CASP9: variants seen among roughly 807,000 people sequenced by gnomAD.
CASP9 encodes the protein caspase-9.
A neutral mutation model predicts 43.5 loss-of-function variants in CASP9; 29 were observed. The observed-to-expected ratio is 0.67, with a 90% CI of 0.50 to 0.91. The LOEUF (loss-of-function observed/expected upper bound fraction) is 0.91, where lower values mean the gene tolerates loss of function less well. CASP9 is among the 40% of genes least tolerant of loss of function. CASP9 has a pLI of 0.00. For synonymous variants in CASP9, 206 were observed against 211.9 expected (o/e 0.97, Z 0.24); for missense variants, 575 against 537.4 (o/e 1.07, Z -0.69).
At position 15,507,011 on chromosome 1, in the gene CASP9, C is replaced by T. The variant is rs2308950; in HGVS notation, c.518G>A (p.Arg173His). 0.012 allele frequency: 19,674 copies of T among 1,614,178 alleles called. 174 individuals carry two copies. Among genetic ancestry groups the T allele is most frequent in the Non-Finnish European group, 0.014 (15,934 of 1,180,018 alleles). Residue 173 changes from arginine to histidine, a missense_variant, in exon 4 of 9, where the codon CGT (arginine) becomes CAT (histidine). Physicochemically the swap from Arg to His is conservative, Grantham distance 29 (BLOSUM62 0). Transcript: ENST00000333868. ...CLIINNVNFC[R>H]ESGLRTRTGS... Reference sequence around the variant, plus strand: ...AGTGCGGGTGCGGAGCCCGGACTCACGGCAGAAGTTCACATTGTTGATAAT... The same window carrying T: ...AGTGCGGGTGCGGAGCCCGGACTCATGGCAGAAGTTCACATTGTTGATAAT...
At chr1:15,505,190 T>C (rs1709472292) in intron 5 of CASP9, among the ~76,000 whole-genome samples, 1 of 152,046 alleles carries the variant, frequency 6.6e-6, no homozygotes, top group Non-Finnish European at 1.5e-5. Flanking sequence ...TCAGTTCAGC[T>C]CAGACCTCAA....
chr1:15,508,756 A>G (rs1709621827), intron 2 of CASP9, among the ~76,000 whole-genome samples: 1 of 152,204 alleles, frequency 6.6e-6, no homozygotes, highest in Admixed American at 6.5e-5. Context: ...CTGAAAAATC[A>G]AGCTGCAGAC....
At chr1:15,493,580 G>A in intron 8 of CASP9, 1 of 1,423,078 alleles carries the variant, frequency 7.0e-7, no homozygotes, top group Non-Finnish European at 9.1e-7. Context: ...CCCGCCTTCA[G>A]GGTCTGGACA....
At chr1:15,524,717 AG>A, upstream of CASP9, 2 of 996,346 alleles carry the variant, frequency 2.0e-6, no homozygotes, top group Non-Finnish European at 2.4e-6. Context: ...CCCTGTCCCC[AG>A]GGTCAATTCT....
At chr1:15,514,425 A>C (rs1709878191) in intron 2 of CASP9, among the ~76,000 whole-genome samples, 1 of 152,202 alleles carries the variant, frequency 6.6e-6, no homozygotes, top group South Asian at 2.1e-4. Flanking sequence ...TACCTTGGGA[A>C]ACATTCCCAT....
rs755503190 is a variant in CASP9 at position 15,506,993 on chromosome 1, G to A, written c.536C>T (p.Thr179Ile). Residue 179 changes from threonine (T) to isoleucine (I), a missense_variant, in exon 4 of 9, where the codon ACC (threonine) becomes ATC (isoleucine). By Grantham distance (89) the Thr-to-Ile change is moderately conservative (BLOSUM62 -1). Transcript: ENST00000333868. ...ACAGTCGATGTTGGAGCCAGTGCGGGTGCGGAGCCCGGACTCACGGCAGAA... is the reference window on the plus strand; with the variant it reads ...ACAGTCGATGTTGGAGCCAGTGCGGATGCGGAGCCCGGACTCACGGCAGAA... ...VNFCRESGLR[T>I]RTGSNIDCEK... 2 of 1,614,228 alleles carry A rather than the reference G, an allele frequency of 1.2e-6. No individual in the cohort carries two copies. Among genetic ancestry groups the A allele is most frequent in the African/African-American group, 1.3e-5 (1 of 75,066 alleles).
chr1:15,505,005 C>T (rs559372543), intron 5 of CASP9, among the ~76,000 whole-genome samples: 1 of 152,296 alleles, frequency 6.6e-6, no homozygotes, highest in African/African-American at 2.4e-5. Context: ...GTGCTGGCTG[C>T]GGCCTCTAGA....
At chr1:15,518,892 T>C (rs1248976827) in intron 1 of CASP9, among the ~76,000 whole-genome samples, 1 of 151,690 alleles carries the variant, frequency 6.6e-6, no homozygotes, top group Non-Finnish European at 1.5e-5. Flanking sequence ...TTTTTTTTCT[T>C]GAGACGGAGT....
intron 4 of CASP9, 46 bp from the exon 5 acceptor site, chr1:15,506,125 G>T: frequency 1.6e-6 from 2 of 1,277,328 alleles, no homozygotes; most frequent in Non-Finnish European, 2.3e-6. Flanking sequence ...GATAGGTCTA[G>T]ATGCAGACTG....
chr1:15,520,920 G>A (rs1710165524), intron 1 of CASP9, among the ~76,000 whole-genome samples: 1 of 152,148 alleles, frequency 6.6e-6, no homozygotes. Context: ...CACTTTGGGA[G>A]GCCAAGGTGG....
At chr1:15,514,060 T>A (rs763513867) in intron 2 of CASP9, among the ~76,000 whole-genome samples, 1 of 152,188 alleles carries the variant, frequency 6.6e-6, no homozygotes, top group South Asian at 2.1e-4. Context: ...TCAATGAATA[T>A]GTATGAGTGC....
At chr1:15,507,139 G>A (rs1039331483) in intron 3 of CASP9, 64 bp from the exon 4 acceptor site, 8 of 1,598,048 alleles carry the variant, frequency 5.0e-6, no homozygotes, top group Middle Eastern at 1.7e-4. Flanking sequence ...ACAGTCTGGA[G>A]AGGCGGGAAG....
At chr1:15,521,199 G>A (rs1405813975) in intron 1 of CASP9, among the ~76,000 whole-genome samples, 4 of 150,950 alleles carry the variant, frequency 2.6e-5, no homozygotes, top group Non-Finnish European at 5.9e-5. Context: ...GAACCCGGAA[G>A]GTGGAGGTTG....
Position 15,524,184 on chromosome 1 carries a change from C to T in CASP9, c.17G>A (p.Arg6Gln). 1 of 1,546,244 alleles carries T rather than the reference C, an allele frequency of 6.5e-7. No homozygotes were observed. Among genetic ancestry groups the T allele is most frequent in the East Asian group, 2.4e-5 (1 of 41,634 alleles). ...CAGCCGGCACCGCCGCAGGAGCCGC[C>T]GATCCGCTTCGTCCATGGCGAGTAG... Reference protein sequence around the residue: MDEADRRLLRRCRLRL... With the variant: MDEADQRLLRRCRLRL... The change falls in exon 1 of 9, where the codon CGG becomes CAG. Residue 6 changes from arginine to glutamine, a missense_variant. Coordinates refer to ENST00000333868, the MANE Select transcript of CASP9 (RefSeq NM_001229.5).
chr1:15,516,938 C>T (rs188489702), intron 2 of CASP9, among the ~76,000 whole-genome samples: 2 of 152,358 alleles, frequency 1.3e-5, no homozygotes, highest in Admixed American at 1.3e-4. Flanking sequence ...CAATCTGTGG[C>T]TCACTTTTTC....
intron 2 of CASP9, among the ~76,000 whole-genome samples, chr1:15,509,647 A>AG (rs1316745273): frequency 6.6e-6 from 1 of 151,590 alleles, no homozygotes; most frequent in African/African-American, 2.4e-5. Context: ...AAAAAAAAAA[A>AG]AAGAAAGAAA....
chr1:15,503,331 T>C (rs1709399482), intron 6 of CASP9, among the ~76,000 whole-genome samples: 1 of 152,144 alleles, frequency 6.6e-6, no homozygotes, highest in African/African-American at 2.4e-5. Flanking sequence ...TGGGTTCTGT[T>C]ATTTTCCCCA....
At chr1:15,496,143 TC>T (rs60068985) in intron 6 of CASP9, among the ~76,000 whole-genome samples, 41,514 of 151,962 alleles carry the variant, frequency 0.27, 6,476 homozygotes, top group African/African-American at 0.42. Flanking sequence ...TTTTTGGGGT[TC>T]ATAAGAGAAT....
chr1:15,524,138 C>A lies in CASP9; in HGVS notation c.63G>T (p.Gln21His). Residue 21 changes from glutamine to histidine, a missense_variant, in exon 1 of 9, where the codon CAG (glutamine) becomes CAT (histidine). By Grantham distance (24) the Gln-to-His change is conservative (BLOSUM62 0). Transcript: ENST00000333868. ...GCAGGGCGTCCCAGAGCTGGTCCACCTGCAGCTCTTCCACCAGCCGCAGCC... is the reference window on the plus strand; with the variant it reads ...GCAGGGCGTCCCAGAGCTGGTCCACATGCAGCTCTTCCACCAGCCGCAGCC... Reference protein sequence around the residue: ...RCRLRLVEELQVDQLWDALLS... With the variant: ...RCRLRLVEELHVDQLWDALLS... 6.5e-7 allele frequency: 1 copy of A among 1,541,236 alleles called. No individual in the cohort carries two copies. Among genetic ancestry groups the A allele is most frequent in the Non-Finnish European group, 8.7e-7 (1 of 1,147,748 alleles).
Sources: allele counts gnomAD v4.1 joint callset (sites outside exome capture counted in the v4.1 genomes callset), GRCh38; gene constraint gnomAD v4.1.1; transcripts MANE v1.5; gene names NCBI Gene and HGNC (gene_info 2026-07-23, HGNC 2026-07-21).